TSC22D2: variants seen among roughly 807,000 people sequenced by gnomAD.
TSC22D2 encodes the protein TSC22 domain family member 2.
TSC22D2 carries 5 observed loss-of-function variants against 50.1 expected under a neutral mutation model. The ratio of observed to expected loss-of-function variants is 0.10; its 90% CI spans 0.05 to 0.21. TSC22D2 has a LOEUF of 0.21. Ranked by LOEUF, TSC22D2 falls within the 10% of genes least tolerant of loss-of-function variation. The pLI is 1.00. For synonymous variants in TSC22D2, 501 were observed against 450.1 expected, an observed-to-expected ratio of 1.11 and a Z score of -1.43; for missense variants, 1,003 against 1,015.5, an observed-to-expected ratio of 0.99 and a Z score of 0.17.
chr3:150,419,098 A>G (rs1056012356), intron 1 of TSC22D2, among the ~76,000 whole-genome samples: 7 of 152,102 alleles, frequency 4.6e-5, no homozygotes, highest in African/African-American at 1.4e-4. Flanking sequence ...TATTAAACAC[A>G]AAGCAAGCTT....
intron 2 of TSC22D2, 80 bp downstream of exon 2, chr3:150,457,207 C>G: frequency 2.2e-6 from 3 of 1,336,972 alleles, no homozygotes. Flanking sequence ...TTTTAGAAAA[C>G]AAATAAGTTA....
rs183654938 is a variant in TSC22D2, at chr3:150,442,306, C to T, written c.1959-14770C>T. Among the ~76,000 whole-genome samples the T allele has an allele frequency of 1.3e-3, 194 of 152,256 alleles. 1 individual carries two copies. In the South Asian group the frequency reaches 0.023, roughly 18 times the overall value. On this transcript the variant is annotated intron_variant, in intron 1 of 2. Coordinates refer to ENST00000688009, the MANE Select transcript of TSC22D2 (RefSeq NM_001303264.2). ...ATATCTCCTGCACTAATTGTAAACTCACAAACTCTGGAATTATGTTTATTT... is the reference window on the plus strand; with the variant it reads ...ATATCTCCTGCACTAATTGTAAACTTACAAACTCTGGAATTATGTTTATTT...
At chr3:150,452,740 T>A (rs1721081064) in intron 1 of TSC22D2, among the ~76,000 whole-genome samples, 1 of 152,236 alleles carries the variant, frequency 6.6e-6, no homozygotes. Flanking sequence ...GAATTCAAGC[T>A]CATTTAGTTA....
chr3:150,408,897 C>T lies in TSC22D2; in HGVS notation c.-454C>T. Reference sequence around the variant, plus strand: ...GAGCGGGGCAGCACCGCCCCTCACGCCGCCGCCACCGCCTCCTCCTCCTCC... The same window carrying T: ...GAGCGGGGCAGCACCGCCCCTCACGTCGCCGCCACCGCCTCCTCCTCCTCC... On this transcript the variant is annotated 5_prime_UTR_variant, in exon 1 of 3. Coordinates refer to ENST00000688009, the MANE Select transcript of TSC22D2 (RefSeq NM_001303264.2). 6.0e-6 allele frequency: 1 copy of T among 166,162 alleles called. No homozygotes were observed. Among genetic ancestry groups the T allele is most frequent in the Non-Finnish European group, 1.3e-5 (1 of 76,800 alleles). The allele number at this position is 166,162 out of a possible 1,614,324, so 10.3% of individuals were successfully genotyped here.
intron 1 of TSC22D2, among the ~76,000 whole-genome samples, chr3:150,432,634 T>C (rs1261588845): frequency 6.6e-6 from 1 of 151,796 alleles, no homozygotes. Context: ...AAGAAAGAAA[T>C]TTAAGGAACC....
At chr3:150,443,965 T>TA (rs1720798311) in intron 1 of TSC22D2, among the ~76,000 whole-genome samples, 1 of 152,204 alleles carries the variant, frequency 6.6e-6, no homozygotes, top group Non-Finnish European at 1.5e-5. Context: ...TATATGGAGT[T>TA]ACCAAGTTTC....
chr3:150,423,420 A>T (rs1720079863), intron 1 of TSC22D2: 1 of 180,966 alleles, frequency 5.5e-6, no homozygotes, highest in Admixed American at 6.2e-5. Flanking sequence ...ATGCAAATGC[A>T]TATTCTATAA....
In TSC22D2 at chr3:150,464,129, C is replaced by T. The variant is rs1235615903; in HGVS notation, c.*5493C>T. 1 of 152,196 alleles carries T rather than the reference C, an allele frequency of 6.6e-6. No homozygotes were observed. Among genetic ancestry groups the T allele is most frequent in the Non-Finnish European group, 1.5e-5 (1 of 68,046 alleles). 9.4% of individuals were successfully genotyped at this position (152,196 alleles called of 1,614,324 possible). A position where few individuals can be genotyped will look rare whatever the true frequency, so the allele number is the denominator to read the frequency against. Reference sequence around the variant, plus strand: ...CTCCATAAAAAAGTTAAGTTCATCTCTCCATTCTTTTGCATGCCTACAATA... The same window carrying T: ...CTCCATAAAAAAGTTAAGTTCATCTTTCCATTCTTTTGCATGCCTACAATA... On this transcript the variant is annotated 3_prime_UTR_variant, in exon 3 of 3. Coordinates refer to ENST00000688009, the MANE Select transcript of TSC22D2 (RefSeq NM_001303264.2).
intron 1 of TSC22D2, among the ~76,000 whole-genome samples, chr3:150,429,450 C>CTA (rs1720313345): frequency 6.6e-6 from 1 of 152,044 alleles, no homozygotes; most frequent in South Asian, 2.1e-4. Context: ...AAATCATGGA[C>CTA]TATATATATA....
chr3:150,411,390 G>A, intron 1 of TSC22D2, 82 bp downstream of exon 1: 1 of 1,386,328 alleles, frequency 7.2e-7, no homozygotes, highest in Non-Finnish European at 9.8e-7. Flanking sequence ...GGAGATTGTT[G>A]TCAACGGAGG....
At position 150,458,684 on chromosome 3, in the gene TSC22D2, T is replaced by C. The variant is rs1397651549; in HGVS notation, c.*48T>C. 1.2e-6 allele frequency: 2 copies of C among 1,601,240 alleles called. No individual in the cohort carries two copies. The highest frequency in any genetic ancestry group is 1.1e-5 in the South Asian group (1 of 89,108). On this transcript the variant is annotated 3_prime_UTR_variant, in exon 3 of 3. Transcript: ENST00000688009. ...AAAAAAACTGAAAGCAATCTATCCTTGTGTGCCACTGGTGTTCTTTCCACT... is the reference window on the plus strand; with the variant it reads ...AAAAAAACTGAAAGCAATCTATCCTCGTGTGCCACTGGTGTTCTTTCCACT...
intron 1 of TSC22D2, among the ~76,000 whole-genome samples, chr3:150,425,447 C>T (rs191677954): frequency 2.0e-5 from 3 of 152,092 alleles, no homozygotes; most frequent in African/African-American, 7.2e-5. Context: ...ACCTGGGAAG[C>T]GGAGGTTGCA....
Position 150,458,384 on chromosome 3 carries a change from G to T in TSC22D2, c.2019G>T (p.Val673=). ...DNKIEQAMDL[V]KSHLMYAVRE... is the part of the protein sequence containing the mutation. ...AATTTTGTTTTTCACAGGATCTGGT[G>T]AAAAGCCATTTGATGTATGCAGTAA... Residue 673 remains valine, a synonymous_variant, in exon 3 of 3, where the codon GTG becomes GTT. Coordinates refer to ENST00000688009, the MANE Select transcript of TSC22D2 (RefSeq NM_001303264.2). 1 of 1,612,546 alleles carries T rather than the reference G, an allele frequency of 6.2e-7. No individual in the cohort carries two copies.
intron 1 of TSC22D2, among the ~76,000 whole-genome samples, chr3:150,452,236 G>A (rs895148180): frequency 1.3e-5 from 2 of 152,016 alleles, no homozygotes; most frequent in African/African-American, 2.4e-5. Flanking sequence ...ATCTGAGGTC[G>A]GGAGTTCGAG....
chr3:150,423,071 C>G, intron 1 of TSC22D2: 1 of 1,613,132 alleles, frequency 6.2e-7, no homozygotes, highest in Non-Finnish European at 8.5e-7. Context: ...TGCTTTCTAC[C>G]AAGCGTTCCA....
At chr3:150,415,076 TTCA>T (rs1719750341) in intron 1 of TSC22D2, among the ~76,000 whole-genome samples, 1 of 152,004 alleles carries the variant, frequency 6.6e-6, no homozygotes, top group Non-Finnish European at 1.5e-5. Flanking sequence ...TACTGATGTA[TTCA>T]TCAGGGATTA....
Position 150,464,928 on chromosome 3 carries a change from A to C in TSC22D2, c.*6292A>C, listed in dbSNP as rs1379198383. ...TGAATTATATTGTCTATTGTCTCAT[A>C]AGCAACAAGTGACACTTATTATCTT... On this transcript the variant is annotated 3_prime_UTR_variant, in exon 3 of 3. Transcript: ENST00000688009. The C allele has an allele frequency of 6.6e-6, 1 of 152,240 alleles. No individual in the cohort carries two copies. Among genetic ancestry groups the C allele is most frequent in the Admixed American group, 6.5e-5 (1 of 15,282 alleles). 9.4% of individuals were successfully genotyped at this position (152,240 alleles called of 1,614,324 possible).
At chr3:150,418,784 G>C (rs779916471) in intron 1 of TSC22D2, among the ~76,000 whole-genome samples, 39 of 152,102 alleles carry the variant, frequency 2.6e-4, no homozygotes, top group Non-Finnish European at 4.7e-4. Flanking sequence ...GGTATTTCTG[G>C]AAGCTTTTAT....
intron 1 of TSC22D2, among the ~76,000 whole-genome samples, chr3:150,420,972 A>G (rs898236284): frequency 3.9e-5 from 6 of 151,970 alleles, no homozygotes; most frequent in African/African-American, 1.5e-4. Context: ...AATCCCCGCT[A>G]CTCGGGAGGC....
Sources: gnomAD v4.1 joint callset for allele counts (sites outside exome capture counted in the v4.1 genomes callset) on GRCh38, gnomAD v4.1.1 for gene constraint, MANE v1.5 for transcripts, NCBI Gene and HGNC (gene_info 2026-07-23, HGNC 2026-07-21) for gene names.